Variants in PCGF5 observed in about 807,000 individuals in gnomAD.
PCGF5 encodes the protein polycomb group ring finger 5.
Under a neutral mutation model 44.3 loss-of-function variants are expected in PCGF5, and 9 were observed. The ratio of observed to expected loss-of-function variants is 0.20; its 90% CI spans 0.12 to 0.35. The LOEUF (loss-of-function observed/expected upper bound fraction) is 0.35. Ranked by LOEUF, PCGF5 falls within the 10% of genes least tolerant of loss-of-function variation. The pLI, the probability that PCGF5 is intolerant of heterozygous loss-of-function variation, is 1.00. For synonymous variants in PCGF5, 95 were observed against 102.5 expected (o/e 0.93, Z 0.44); for missense variants, 146 against 305.3 (o/e 0.48, Z 3.89).
intron 1 of PCGF5, among the ~76,000 whole-genome samples, chr10:91,214,694 A>C (rs1406979207): frequency 2.0e-5 from 3 of 152,238 alleles, no homozygotes; most frequent in Non-Finnish European, 4.4e-5. Context: ...CAAACAGATG[A>C]ACGGCCAAAA....
intron 1 of PCGF5, among the ~76,000 whole-genome samples, chr10:91,185,740 C>G (rs1022362211): frequency 6.6e-6 from 1 of 152,188 alleles, no homozygotes; most frequent in Non-Finnish European, 1.5e-5. Context: ...GTTCTCCTGA[C>G]CCGGGAGTTG....
At chr10:91,193,003 GC>G (rs766124891) in intron 1 of PCGF5, among the ~76,000 whole-genome samples, 13 of 152,134 alleles carry the variant, frequency 8.5e-5, no homozygotes, top group Non-Finnish European at 1.8e-4. Flanking sequence ...TAATCAATAA[GC>G]CCTTGAAAGT....
At chr10:91,197,612 C>G (rs1296613254) in intron 1 of PCGF5, among the ~76,000 whole-genome samples, 1 of 152,146 alleles carries the variant, frequency 6.6e-6, no homozygotes, top group Non-Finnish European at 1.5e-5. Context: ...TTTGAATTTA[C>G]TGGGGAAAGG....
At chr10:91,237,007 G>A (rs956625350) in intron 2 of PCGF5, among the ~76,000 whole-genome samples, 1 of 152,264 alleles carries the variant, frequency 6.6e-6, no homozygotes, top group East Asian at 1.9e-4. Flanking sequence ...TAAATAAAGT[G>A]TGAAGAAAAT....
Position 91,165,177 on chromosome 10 carries a change from G to C in PCGF5, c.-184+2096G>C, listed in dbSNP as rs150684612. Among the ~76,000 whole-genome samples, 858 of 152,078 alleles carry C rather than the reference G, an allele frequency of 5.6e-3. 10 individuals carry two copies. The highest frequency in any genetic ancestry group is 0.017 in the African/African-American group (712 of 41,488). ...TTTCTTTTGATTCATTTTCTGCTCTGTGATGTTAACCTACAGCACAACAAG... is the reference window on the plus strand; with the variant it reads ...TTTCTTTTGATTCATTTTCTGCTCTCTGATGTTAACCTACAGCACAACAAG... On this transcript the variant is annotated intron_variant, in intron 1 of 9. Coordinates refer to the PCGF5 transcript ENST00000614189.
At chr10:91,274,561 A>T (rs761723242) in intron 9 of PCGF5, among the ~76,000 whole-genome samples, 21 of 152,216 alleles carry the variant, frequency 1.4e-4, no homozygotes, top group Non-Finnish European at 2.5e-4. Flanking sequence ...AATGAGCACA[A>T]ATCTTTTCTT....
At chr10:91,175,261 C>T (rs1304192081) in intron 1 of PCGF5, among the ~76,000 whole-genome samples, 1 of 152,006 alleles carries the variant, frequency 6.6e-6, no homozygotes, top group Admixed American at 6.6e-5. Context: ...GGATGCCAGA[C>T]AAAACAGAAG....
intron 6 of PCGF5, among the ~76,000 whole-genome samples, chr10:91,259,093 T>G (rs1044429795): frequency 1.3e-5 from 2 of 152,292 alleles, no homozygotes; most frequent in South Asian, 4.1e-4. Flanking sequence ...TTTACTTCAT[T>G]TTCAGCTTGG....
At chr10:91,273,990 T>C (rs1022856105) in intron 9 of PCGF5, among the ~76,000 whole-genome samples, 11 of 151,936 alleles carry the variant, frequency 7.2e-5, no homozygotes, top group Middle Eastern at 3.4e-3. Flanking sequence ...AACAGAAAAT[T>C]GAAATAATTA....
intron 1 of PCGF5, among the ~76,000 whole-genome samples, chr10:91,207,218 G>A (rs1844363776): frequency 6.6e-6 from 1 of 152,160 alleles, no homozygotes; most frequent in South Asian, 2.1e-4. Context: ...TTTGGTGAGG[G>A]ATGTGCAGCT....
intron 2 of PCGF5, chr10:91,227,376 G>T (rs1237134651): frequency 7.8e-7 from 1 of 1,274,620 alleles, no homozygotes; most frequent in Non-Finnish European, 1.0e-6. Context: ...ATGTCCTGAA[G>T]CCACCTGAAA....
intron 2 of PCGF5, among the ~76,000 whole-genome samples, chr10:91,226,920 A>G (rs1844855595): frequency 6.6e-6 from 1 of 152,136 alleles, no homozygotes; most frequent in Non-Finnish European, 1.5e-5. Flanking sequence ...TAAATAGATA[A>G]AATTTTTAAA....
At position 91,278,453 on chromosome 10, in the gene PCGF5, T is replaced by G; in HGVS notation, c.*137T>G. On this transcript the variant is annotated 3_prime_UTR_variant, in exon 10 of 10. Coordinates refer to ENST00000336126, the MANE Select transcript of PCGF5 (RefSeq NM_032373.5). ...TGCAAATAAGGCCATTGTCTATCTC[T>G]AAATTGTCAGTTGCATTCATGTTGT... The G allele has an allele frequency of 1.3e-6, 1 of 755,748 alleles. No individual in the cohort carries two copies. Among genetic ancestry groups the G allele is most frequent in the Non-Finnish European group, 2.3e-6 (1 of 441,172 alleles). The allele number at this position is 755,748 out of a possible 1,614,324, so 46.8% of individuals were successfully genotyped here.
At chr10:91,249,748 T>A (rs1037482498) in intron 5 of PCGF5, among the ~76,000 whole-genome samples, 2 of 151,750 alleles carry the variant, frequency 1.3e-5, no homozygotes, top group African/African-American at 4.8e-5. Flanking sequence ...GATGCTAGAA[T>A]AAGGTAACAA....
chr10:91,274,077 C>G (rs1455846222), intron 9 of PCGF5, among the ~76,000 whole-genome samples: 1 of 151,910 alleles, frequency 6.6e-6, no homozygotes, highest in Admixed American at 6.6e-5. Flanking sequence ...CTCTTCCCCT[C>G]TCTTTCTCTT....
In PCGF5 at chr10:91,176,550, A is replaced by G. The variant is rs542764037; in HGVS notation, c.-184+13469A>G. ...CTCCCTATCACTTTCAGGTACACCA[A>G]TCAGACATAGATTTGGTATTTTCAC... On this transcript the variant is annotated intron_variant, in intron 1 of 9. Transcript: ENST00000614189. Among the ~76,000 whole-genome samples the G allele has an allele frequency of 8.5e-4, 130 of 152,322 alleles. 4 individuals are homozygous for G. The South Asian group carries it at 0.026, about 30-fold the overall frequency.
chr10:91,182,899 A>C (rs1335084982), intron 1 of PCGF5, among the ~76,000 whole-genome samples: 1 of 152,316 alleles, frequency 6.6e-6, no homozygotes, highest in East Asian at 1.9e-4. Flanking sequence ...GGAGCAGGTT[A>C]TTCAATTTCC....
rs71487496 is a variant in PCGF5, at chr10:91,238,601, C to CTTTTTTTTTTTTTT, written c.113-1866_113-1853dup. On this transcript the variant is annotated intron_variant, in intron 2 of 9. Coordinates refer to ENST00000336126, the MANE Select transcript of PCGF5 (RefSeq NM_032373.5). ...CTCTCATTTCTTTCTTTCTTTCTTT[C>CTTTTTTTTTTTTTT]TTTTTTTTTTTTTTTTTTTTTTTTT... Among the ~76,000 whole-genome samples the CTTTTTTTTTTTTTT allele has an allele frequency of 2.6e-3, 152 of 58,486 alleles. 3 individuals are homozygous for CTTTTTTTTTTTTTT. Among genetic ancestry groups the CTTTTTTTTTTTTTT allele is most frequent in the Non-Finnish European group, 3.1e-3 (102 of 32,764 alleles). The allele number at this position is 58,486 out of a possible 152,430, so 38.4% of individuals were successfully genotyped here.
At chr10:91,187,235 A>G (rs1456475036) in intron 1 of PCGF5, among the ~76,000 whole-genome samples, 1 of 152,210 alleles carries the variant, frequency 6.6e-6, no homozygotes, top group East Asian at 1.9e-4. Context: ...AGCATGATAT[A>G]TAGATATATA....
Sources: gnomAD v4.1 joint callset for allele counts (sites outside exome capture counted in the v4.1 genomes callset) on GRCh38, gnomAD v4.1.1 for gene constraint, MANE v1.5 for transcripts, NCBI Gene and HGNC (gene_info 2026-07-23, HGNC 2026-07-21) for gene names.